Variants in NAV2 observed in about 807,000 individuals in gnomAD.
The protein encoded by NAV2 is helicase, APC down-regulated 1.
In NAV2, 54 loss-of-function variants were observed where a neutral mutation model predicts 223.2. The observed-to-expected ratio is 0.24, with a 90% CI of 0.19 to 0.30. NAV2 has a LOEUF of 0.30. Ranked by LOEUF, NAV2 falls within the 10% of genes least tolerant of loss-of-function variation. NAV2 has a pLI of 1.00. For missense variants in NAV2, 2,806 were observed against 3,147.5 expected (o/e 0.89, Z 2.60); for synonymous variants, 1,279 against 1,239.3 (o/e 1.03, Z -0.67).
chr11:20,011,840 A>G (rs2053584986), intron 11 of NAV2, among the ~76,000 whole-genome samples: 1 of 152,230 alleles, frequency 6.6e-6, no homozygotes, highest in South Asian at 2.1e-4. Context: ...CTGTCTTCCT[A>G]CTGGTGAATA....
rs1402109891 is a variant in NAV2, at chr11:20,049,969, G to A, written c.4436+68G>A. 6.7e-6 allele frequency: 10 copies of A among 1,497,678 alleles called. No homozygotes were observed. The East Asian group carries it at 1.8e-4, about 27-fold the overall frequency. The allele number at this position is 1,497,678 out of a possible 1,614,324, so 92.8% of individuals were successfully genotyped here. ...CTTCTGCCCATTCGTTGTCAAGCCA[G>A]ATGTCTTGTGCGAGGCTGTTGGCCT... is the stretch of plus-strand genomic sequence containing the variant. On this transcript the variant is annotated intron_variant, in intron 16 of 37. Coordinates refer to ENST00000349880, the MANE Select transcript of NAV2 (RefSeq NM_145117.5).
chr11:19,836,089 G>T (rs1473880945), intron 2 of NAV2, among the ~76,000 whole-genome samples: 1 of 152,180 alleles, frequency 6.6e-6, no homozygotes, highest in Non-Finnish European at 1.5e-5. Context: ...TTAGGGATAA[G>T]AATTTTATTC....
intron 12 of NAV2, among the ~76,000 whole-genome samples, chr11:20,036,516 A>G (rs955078851): frequency 2.0e-5 from 3 of 152,208 alleles, no homozygotes; most frequent in Non-Finnish European, 4.4e-5. Context: ...TGGGGTGGAA[A>G]TAAAGATTGA....
At chr11:19,868,631 C>T (rs2062249894) in intron 3 of NAV2, among the ~76,000 whole-genome samples, 1 of 152,164 alleles carries the variant, frequency 6.6e-6, no homozygotes, top group African/African-American at 2.4e-5. Flanking sequence ...CTGGCAACTG[C>T]TCAAGTTTTC....
intron 4 of NAV2, among the ~76,000 whole-genome samples, chr11:19,877,494 A>G (rs1401769363): frequency 2.5e-5 from 1 of 39,258 alleles, no homozygotes. Flanking sequence ...TTTTTTTGAG[A>G]CAGAGTCTTG....
At chr11:19,834,947 G>A (rs545997304) in intron 2 of NAV2, among the ~76,000 whole-genome samples, 1 of 152,176 alleles carries the variant, frequency 6.6e-6, no homozygotes. Flanking sequence ...GATAGCACTT[G>A]GCAGCAGCTA....
intron 11 of NAV2, among the ~76,000 whole-genome samples, chr11:19,993,215 A>G (rs2051518470): frequency 6.6e-6 from 1 of 152,190 alleles, no homozygotes. Context: ...ATAACAAACA[A>G]TTCTCAAAAA....
At position 19,894,394 on chromosome 11, in the gene NAV2, G is replaced by C. The variant is rs138014370; in HGVS notation, c.931+1800G>C. Among the ~76,000 whole-genome samples the C allele has an allele frequency of 1.8e-3, 268 of 152,338 alleles. 1 individual carries two copies. In the East Asian group the frequency reaches 0.033, roughly 19 times the overall value. On this transcript the variant is annotated intron_variant, in intron 6 of 37. Transcript: ENST00000349880. ...GCGCTGGGCCTCTCCTCGCGGGCCA[G>C]TCTGCCCTTGCCCTATACTCATTTG...
chr11:19,929,199 G>A (rs1485765465), intron 6 of NAV2, among the ~76,000 whole-genome samples: 2 of 152,148 alleles, frequency 1.3e-5, no homozygotes, highest in African/African-American at 2.4e-5. Context: ...GTTGCAGTGA[G>A]CCAAGATCGA....
intron 1 of NAV2, among the ~76,000 whole-genome samples, chr11:19,630,922 C>CAAAAAAAAAAAAAAAAGGAAAAAAAAAAA (rs10642100): frequency 2.0e-5 from 2 of 100,144 alleles, no homozygotes; most frequent in Non-Finnish European, 1.8e-5. Flanking sequence ...GGTCCTGTTG[C>CAAAAAAAAAAAAAAAAGGAAAAAAAAAAA]AAAAAAAAAA....
intron 5 of NAV2, among the ~76,000 whole-genome samples, chr11:19,890,893 A>T (rs1031509282): frequency 1.3e-5 from 2 of 152,194 alleles, no homozygotes; most frequent in African/African-American, 4.8e-5. Flanking sequence ...TCTCCAAAGG[A>T]GATGAGGTAA....
At chr11:19,897,041 T>C (rs1188990126) in intron 6 of NAV2, among the ~76,000 whole-genome samples, 1 of 152,022 alleles carries the variant, frequency 6.6e-6, no homozygotes, top group Non-Finnish European at 1.5e-5. Context: ...CACCATGGAA[T>C]ACTATGCAGC....
At chr11:19,984,332 G>A (rs2050573675) in intron 11 of NAV2, 85 bp downstream of exon 11, 5 of 1,591,822 alleles carry the variant, frequency 3.1e-6, no homozygotes, top group East Asian at 4.5e-5. Flanking sequence ...TATTGGGAGA[G>A]TGAATGGAGA....
intron 1 of NAV2, among the ~76,000 whole-genome samples, chr11:19,468,929 G>A (rs2041871886): frequency 6.6e-6 from 1 of 152,148 alleles, no homozygotes; most frequent in African/African-American, 2.4e-5. Flanking sequence ...AAAGAACTGA[G>A]GTTTGAGTCC....
chr11:19,777,686 T>C (rs1437602917), intron 1 of NAV2: 1 of 399,332 alleles, frequency 2.5e-6, no homozygotes, highest in African/African-American at 2.1e-5. Flanking sequence ...AGGGGAGGTG[T>C]GTGTGTTTAA....
Position 20,092,348 on chromosome 11 carries a change from T to G in NAV2, c.5795T>G (p.Leu1932Arg), listed in dbSNP as rs373785723. The change falls in exon 28 of 38, where the codon CTC (leucine) becomes CGC (arginine). Residue 1932 changes from leucine (L) to arginine (R), a missense_variant. Physicochemically the swap from Leu to Arg is moderately radical, Grantham distance 102 (BLOSUM62 -2). Coordinates refer to ENST00000349880, the MANE Select transcript of NAV2 (RefSeq NM_145117.5). The part of the protein sequence containing the change: ...SMGLSQHSLN[L>R]TESTSLDMLL... ...GGCCTCTCCCAGCACAGCTTGAACC[T>G]CACTGAGTCAACCAGCCTGGGTGAG... 1.9e-5 allele frequency: 30 copies of G among 1,612,714 alleles called. No homozygotes were observed. The highest frequency in any genetic ancestry group is 2.5e-5 in the Non-Finnish European group (30 of 1,178,988).
chr11:19,353,437 C>A (rs1017142877), intron 1 of NAV2, among the ~76,000 whole-genome samples: 1 of 152,104 alleles, frequency 6.6e-6, no homozygotes, highest in Admixed American at 6.5e-5. Flanking sequence ...CAGTGAAAAG[C>A]GTCATGGAAT....
intron 20 of NAV2, among the ~76,000 whole-genome samples, chr11:20,064,885 C>T (rs1364277055): frequency 6.6e-6 from 1 of 152,120 alleles, no homozygotes; most frequent in African/African-American, 2.4e-5. Context: ...GAGTGTCTCC[C>T]CAGTTTTGCC....
intron 1 of NAV2, among the ~76,000 whole-genome samples, chr11:19,467,691 C>T (rs1018279510): frequency 6.6e-6 from 1 of 152,186 alleles, no homozygotes; most frequent in Non-Finnish European, 1.5e-5. Context: ...AGAATGGCAT[C>T]TTGCTGCCAG....
Sources: gnomAD v4.1 joint callset for allele counts (sites outside exome capture counted in the v4.1 genomes callset) on GRCh38, gnomAD v4.1.1 for gene constraint, MANE v1.5 for transcripts, NCBI Gene and HGNC (gene_info 2026-07-23, HGNC 2026-07-21) for gene names.